Variants in DUSP19 observed in about 807,000 individuals in gnomAD.
DUSP19 encodes dual specificity phosphatase 19, also known as dual specificity protein phosphatase 19.
In DUSP19, 14 loss-of-function variants were observed where a neutral mutation model predicts 16.6. That is an observed-to-expected ratio of 0.84 (90% CI 0.56 to 1.32). The LOEUF (loss-of-function observed/expected upper bound fraction) is 1.32. DUSP19 is among the 40% of genes most tolerant of loss of function. DUSP19 has a pLI of 0.00. For missense variants in DUSP19, 258 were observed against 255.9 expected (o/e 1.01, Z -0.06); for synonymous variants, 81 against 90.5 (o/e 0.90, Z 0.59).
chr2:183,081,887 T>TAA (rs199715327), intron 1 of DUSP19, among the ~76,000 whole-genome samples: 3 of 144,580 alleles, frequency 2.1e-5, no homozygotes, highest in Admixed American at 6.9e-5. Flanking sequence ...ATGGGTAACT[T>TAA]AAAAAAAAAA....
At position 183,096,686 on chromosome 2, in the gene DUSP19, A is replaced by G. The variant is rs1324630900; in HGVS notation, c.*1028A>G. ...GTGCTTTTTATCTTGGGTGCCTAGC[A>G]TTCTGTTTTTTTGATCCTATGTCAT... On this transcript the variant is annotated 3_prime_UTR_variant, in exon 4 of 4. Coordinates refer to ENST00000354221, the MANE Select transcript of DUSP19 (RefSeq NM_080876.4). 1.3e-5 allele frequency: 2 copies of G among 150,730 alleles called. No homozygotes were observed. The highest frequency in any genetic ancestry group is 2.9e-5 in the Non-Finnish European group (2 of 67,806). The allele number at this position is 150,730 out of a possible 1,614,324, so 9.3% of individuals were successfully genotyped here. A position where few individuals can be genotyped will look rare whatever the true frequency, so the allele number is the denominator to read the frequency against.
intron 3 of DUSP19, among the ~76,000 whole-genome samples, chr2:183,094,682 C>G (rs957984354): frequency 6.6e-6 from 1 of 152,102 alleles, no homozygotes; most frequent in Non-Finnish European, 1.5e-5. Context: ...ATGTGATTAC[C>G]TTTTCCACTT....
intron 3 of DUSP19, among the ~76,000 whole-genome samples, chr2:183,088,395 G>T (rs1389882846): frequency 1.1e-4 from 16 of 140,234 alleles, no homozygotes; most frequent in South Asian, 6.9e-4. Flanking sequence ...TTTGTTTTTT[G>T]TGTTTTTTTT....
rs1699551617 is a variant in DUSP19 at position 183,078,790 on chromosome 2, T to C, written c.-144T>C. Reference sequence around the variant, plus strand: ...AAACGGAGCTGGACGACTCAGTCTCTTGGTCTGTGGCTGCTGCGGTTACCT... The same window carrying C: ...AAACGGAGCTGGACGACTCAGTCTCCTGGTCTGTGGCTGCTGCGGTTACCT... On this transcript the variant is annotated 5_prime_UTR_variant, in exon 1 of 4. Transcript: ENST00000354221. 1.4e-6 allele frequency: 1 copy of C among 691,040 alleles called. No homozygotes were observed. Among genetic ancestry groups the C allele is most frequent in the Non-Finnish European group, 2.4e-6 (1 of 412,534 alleles). The allele number at this position is 691,040 out of a possible 1,614,324, so 42.8% of individuals were successfully genotyped here. A position where few individuals can be genotyped will look rare whatever the true frequency, so the allele number is the denominator to read the frequency against.
intron 1 of DUSP19, 116 bp downstream of exon 1, chr2:183,079,275 CTG>C: frequency 9.4e-7 from 1 of 1,058,348 alleles, no homozygotes; most frequent in Non-Finnish European, 1.4e-6. Flanking sequence ...AAAAGCTGAA[CTG>C]TTTCCTTTTT....
intron 3 of DUSP19, among the ~76,000 whole-genome samples, chr2:183,094,453 G>T (rs1293470682): frequency 5.9e-5 from 9 of 152,104 alleles, no homozygotes; most frequent in Admixed American, 3.9e-4. Context: ...ATTCTGGAGG[G>T]TGTGCTCACA....
rs777582682 is a variant in DUSP19 at position 183,083,525 on chromosome 2, C to T, written c.244C>T (p.His82Tyr). ...WLLLGSQDAA[H>Y]DLDTLKKNKV... Reference sequence around the variant, plus strand: ...TCTTCTAGGGTCACAAGATGCTGCTCATGATTTGGATACACTGAAAAAGAA... The same window carrying T: ...TCTTCTAGGGTCACAAGATGCTGCTTATGATTTGGATACACTGAAAAAGAA... The change falls in exon 2 of 4, where the codon CAT (histidine) becomes TAT (tyrosine). Residue 82 changes from histidine to tyrosine, a missense_variant. By Grantham distance (83) the His-to-Tyr change is moderately conservative. Coordinates refer to ENST00000354221, the MANE Select transcript of DUSP19 (RefSeq NM_080876.4). The T allele has an allele frequency of 2.5e-6, 4 of 1,610,948 alleles. No individual in the cohort carries two copies. The highest frequency in any genetic ancestry group is 2.5e-6 in the Non-Finnish European group (3 of 1,178,514).
At position 183,099,568 on chromosome 2, in the gene DUSP19, CA is replaced by C. The variant is rs1232060877; in HGVS notation, c.*3911del. ...GTTACTTGTTTTTATACATATTCAT[CA>C]TGTACCCTTTATTGTTTCTAGGTGT... On this transcript the variant is annotated 3_prime_UTR_variant, in exon 4 of 4. Coordinates refer to ENST00000354221, the MANE Select transcript of DUSP19 (RefSeq NM_080876.4). 6.6e-6 allele frequency: 1 copy of C among 152,130 alleles called. No homozygotes were observed. The highest frequency in any genetic ancestry group is 1.5e-5 in the Non-Finnish European group (1 of 68,020). The allele number at this position is 152,130 out of a possible 1,614,324, so 9.4% of individuals were successfully genotyped here. A position where few individuals can be genotyped will look rare whatever the true frequency, so the allele number is the denominator to read the frequency against.
chr2:183,088,029 T>C (rs1223087411), intron 3 of DUSP19, among the ~76,000 whole-genome samples: 2 of 152,258 alleles, frequency 1.3e-5, no homozygotes, highest in East Asian at 1.9e-4. Context: ...TCAACTTTAC[T>C]TAATAGCAGA....
chr2:183,099,654 GC>G lies in DUSP19; in HGVS notation c.*3997del, dbSNP rs1462461293. 3.3e-5 allele frequency: 5 copies of G among 152,006 alleles called. No homozygotes were observed. Among genetic ancestry groups the G allele is most frequent in the Admixed American group, 6.6e-5 (1 of 15,232 alleles). 9.4% of individuals were successfully genotyped at this position (152,006 alleles called of 1,614,324 possible). On this transcript the variant is annotated 3_prime_UTR_variant, in exon 4 of 4. Transcript: ENST00000354221. ...TTTCCCATTAATATATTTCTTTGAA[GC>G]TATTTGTTTTAAAAGATGTAACACT...
rs71008262 is a variant in DUSP19 at position 183,086,651 on chromosome 2, G to GAAA, written c.274-369_274-367dup. On this transcript the variant is annotated intron_variant, in intron 2 of 3. Coordinates refer to ENST00000354221, the MANE Select transcript of DUSP19 (RefSeq NM_080876.4). The stretch of plus-strand genomic sequence containing the variant: ...AGTGAGACCCGCCCCCCTCTTCTCT[G>GAAA]AAAAAAAAAAAAAAAAAAAAAATTA... 6.4e-3 allele frequency among the ~76,000 whole-genome samples: 608 copies of GAAA among 95,654 alleles called. 6 individuals carry two copies. Among genetic ancestry groups the GAAA allele is most frequent in the Middle Eastern group, 0.018 (3 of 170 alleles). 62.8% of individuals were successfully genotyped at this position (95,654 alleles called of 152,430 possible).
chr2:183,079,941 G>C (rs16823971), intron 1 of DUSP19, among the ~76,000 whole-genome samples: 17,905 of 152,204 alleles, frequency 0.12, 1,794 homozygotes, highest in African/African-American at 0.27. Flanking sequence ...TGAATAGAGA[G>C]AAGACTGAGA....
chr2:183,087,421 T>C (rs908040456), intron 3 of DUSP19, among the ~76,000 whole-genome samples: 1 of 152,232 alleles, frequency 6.6e-6, no homozygotes, highest in African/African-American at 2.4e-5. Flanking sequence ...GCTCTAGACT[T>C]GTTAGTGTAT....
At chr2:183,092,453 A>G (rs1477917833) in intron 3 of DUSP19, among the ~76,000 whole-genome samples, 1 of 151,938 alleles carries the variant, frequency 6.6e-6, no homozygotes, top group African/African-American at 2.4e-5. Context: ...CTATGTGTTC[A>G]CGTTGTTCAG....
chr2:183,088,792 T>C (rs1036688626), intron 3 of DUSP19, among the ~76,000 whole-genome samples: 5 of 152,196 alleles, frequency 3.3e-5, no homozygotes, highest in Non-Finnish European at 5.9e-5. Flanking sequence ...ATTTACAGGC[T>C]CTGGATTGTA....
At chr2:183,093,400 A>G (rs1699757241) in intron 3 of DUSP19, among the ~76,000 whole-genome samples, 1 of 152,220 alleles carries the variant, frequency 6.6e-6, no homozygotes, top group African/African-American at 2.4e-5. Flanking sequence ...CCCTCATTTC[A>G]CTTGGAAAGA....
Position 183,095,689 on chromosome 2 carries a change from A to G in DUSP19, c.*31A>G, listed in dbSNP as rs748381584. 5.8e-6 allele frequency: 9 copies of G among 1,551,162 alleles called. No homozygotes were observed. Among genetic ancestry groups the G allele is most frequent in the Non-Finnish European group, 7.9e-6 (9 of 1,132,136 alleles). ...ATTGTAGCAGACAATGGACAACTGT[A>G]GTTTCTGAATTGACTTCTATAGCCA... is the stretch of plus-strand genomic sequence containing the variant. On this transcript the variant is annotated 3_prime_UTR_variant, in exon 4 of 4. Transcript: ENST00000354221.
chr2:183,091,426 G>T (rs1699730957), intron 3 of DUSP19, among the ~76,000 whole-genome samples: 1 of 152,152 alleles, frequency 6.6e-6, no homozygotes, highest in African/African-American at 2.4e-5. Context: ...GGTCCAAGCA[G>T]CGGCCCAAGG....
rs755787807 is a variant in DUSP19, at chr2:183,095,631, T to A, written c.627T>A (p.Cys209Ter). The part of the protein sequence containing the change: ...TYQEGKESNK[C>*]DRIQENSS ...AAGAGGGCAAAGAAAGCAATAAGTGTGACAGAATACAGGAGAACAGTTCAT... is the reference window on the plus strand; with the variant it reads ...AAGAGGGCAAAGAAAGCAATAAGTGAGACAGAATACAGGAGAACAGTTCAT... Residue 209 changes from cysteine (C) to a stop codon, truncating the protein, a stop_gained, in exon 4 of 4, where the codon TGT becomes TGA. Transcript: ENST00000354221. LOFTEE classifies it high-confidence loss of function. The A allele has an allele frequency of 1.5e-5, 25 of 1,613,962 alleles. No homozygotes were observed. Among genetic ancestry groups the A allele is most frequent in the Non-Finnish European group, 2.0e-5 (24 of 1,179,856 alleles).
Sources: gnomAD v4.1 joint callset for allele counts (sites outside exome capture counted in the v4.1 genomes callset) on GRCh38, gnomAD v4.1.1 for gene constraint, MANE v1.5 for transcripts, NCBI Gene and HGNC (gene_info 2026-07-23, HGNC 2026-07-21) for gene names.